ATXN7L3: variants seen among roughly 807,000 people sequenced by gnomAD.
The protein encoded by ATXN7L3 is ataxin 7 like 3, also known as ataxin-7-like protein 3.
Under a neutral mutation model 50.0 loss-of-function variants are expected in ATXN7L3, and 6 were observed. That is an observed-to-expected ratio of 0.12 (90% CI 0.07 to 0.24). ATXN7L3 has a LOEUF of 0.24. Among genes scored for constraint, ATXN7L3 ranks in the 10% least tolerant of loss-of-function variants. ATXN7L3 has a pLI of 1.00. For synonymous variants in ATXN7L3, 198 were observed against 165.8 expected (o/e 1.19, Z -1.49); for missense variants, 322 against 451.3 (o/e 0.71, Z 2.60).
At position 44,193,000 on chromosome 17, in the gene ATXN7L3, G is replaced by C. The variant is rs1055789019; in HGVS notation, c.*1263C>G. ...TGGGAGTGGTGGTGCCCGCATGGAG[G>C]GGGGACGGTACATCTCTTTAGGATG... is the stretch of plus-strand genomic sequence containing the variant. On this transcript the variant is annotated 3_prime_UTR_variant, in exon 13 of 13. Coordinates refer to ENST00000587097, the MANE Select transcript of ATXN7L3 (RefSeq NM_001382309.1). 3.3e-5 allele frequency: 5 copies of C among 152,290 alleles called. No homozygotes were observed. The highest frequency in any genetic ancestry group is 9.7e-5 in the African/African-American group (4 of 41,426). The allele number at this position is 152,290 out of a possible 1,614,324, so 9.4% of individuals were successfully genotyped here.
chr17:44,195,582 AGT>A, intron 8 of ATXN7L3, 95 bp from the exon 9 acceptor site: 2 of 1,394,424 alleles, frequency 1.4e-6, no homozygotes, highest in Non-Finnish European at 2.0e-6. Flanking sequence ...TCCCTTTCTA[AGT>A]GAGGCTTTAG....
intron 5 of ATXN7L3, 45 bp from the exon 6 acceptor site, chr17:44,196,463 T>C (rs751976934): frequency 6.2e-7 from 1 of 1,612,890 alleles, no homozygotes; most frequent in South Asian, 1.1e-5. Context: ...CGTTAAGTTC[T>C]CAATCTAAAA....
chr17:44,197,051 G>A (rs1290991151), intron 4 of ATXN7L3, 25 bp from the exon 5 acceptor site: 4 of 1,587,428 alleles, frequency 2.5e-6, no homozygotes, highest in South Asian at 2.2e-5. Flanking sequence ...GAAGAGAAAG[G>A]GGCCAAGGGG....
chr17:44,195,343 T>C, intron 9 of ATXN7L3, 76 bp downstream of exon 9: 4 of 1,494,704 alleles, frequency 2.7e-6, no homozygotes, highest in Non-Finnish European at 3.7e-6. Flanking sequence ...GTCACCAGCT[T>C]CCTCCCAGGC....
chr17:44,194,315 T>G lies in ATXN7L3; in HGVS notation c.992A>C (p.Lys331Thr), dbSNP rs1354790861. 5 of 1,613,942 alleles carry G rather than the reference T, an allele frequency of 3.1e-6. No homozygotes were observed. Among genetic ancestry groups the G allele is most frequent in the Admixed American group, 3.3e-5 (2 of 60,006 alleles). ...CGTCGGGGGTGCCGGTGGCTTTGGC[T>G]TCTTCTTCTTGTTGGAACCTAGGCC... ...ASGLGSNKKK[K>T]PKPPAPPTPS... is the part of the protein sequence containing the mutation. Residue 331 changes from lysine (K) to threonine (T), a missense_variant, in exon 13 of 13, where the codon AAG becomes ACG. By Grantham distance (78) the Lys-to-Thr change is moderately conservative (BLOSUM62 -1). Transcript: ENST00000587097.
chr17:44,194,889 C>T (rs1418983086), intron 10 of ATXN7L3, 50 bp from the exon 11 acceptor site: 62 of 1,599,238 alleles, frequency 3.9e-5, no homozygotes, highest in Non-Finnish European at 5.1e-5. Flanking sequence ...AGGTAAAGCC[C>T]CTCCCCTCGG....
In ATXN7L3 at chr17:44,194,093, G is replaced by C; in HGVS notation, c.*170C>G. 1 of 808,556 alleles carries C rather than the reference G, an allele frequency of 1.2e-6. No homozygotes were observed. The highest frequency in any genetic ancestry group is 2.0e-6 in the Non-Finnish European group (1 of 510,952). 50.1% of individuals were successfully genotyped at this position (808,556 alleles called of 1,614,324 possible). On this transcript the variant is annotated 3_prime_UTR_variant, in exon 13 of 13. Transcript: ENST00000587097. ...CGCCGAGGAGTCGTGCTCCATTGCA[G>C]AGGACTTTGACACCCCCCAGGGGCG...
chr17:44,196,924 A>G lies in ATXN7L3; in HGVS notation c.454+5T>C. 6.2e-7 allele frequency: 1 copy of G among 1,609,770 alleles called. No individual in the cohort carries two copies. ...CCCCCCGGGTTTCCCCAGATCCCCA[A>G]GCACCTTTCTTCTCCGAGCCATAGG... is the stretch of plus-strand genomic sequence containing the variant. On this transcript the variant is annotated splice_donor_5th_base_variant and intron_variant, in intron 5 of 12. Coordinates refer to ENST00000587097, the MANE Select transcript of ATXN7L3 (RefSeq NM_001382309.1).
chr17:44,195,105 C>T lies in ATXN7L3; in HGVS notation c.657G>A (p.Met219Ile). 1 of 1,614,162 alleles carries T rather than the reference C, an allele frequency of 6.2e-7. No individual in the cohort carries two copies. Among genetic ancestry groups the T allele is most frequent in the Non-Finnish European group, 8.5e-7 (1 of 1,180,002 alleles). ...CGVISEHTKK[M>I]CTRSLRCPQH... ...CTAGGTTCTGTGCTCACCTTGTGCA[C>T]ATCTTCTTGGTGTGTTCAGAAATCA... The change falls in exon 10 of 13, where the codon ATG becomes ATA. Residue 219 changes from methionine (M) to isoleucine (I), a missense_variant. Met to Ile is a conservative substitution (Grantham distance 10). Coordinates refer to ENST00000587097, the MANE Select transcript of ATXN7L3 (RefSeq NM_001382309.1).
chr17:44,199,398 A>G (rs1598198854), intron 1 of ATXN7L3, 98 bp downstream of exon 1: 1 of 141,458 alleles, frequency 7.1e-6, no homozygotes, highest in South Asian at 2.4e-4. Flanking sequence ...GCTGACCCAG[A>G]CCTGGGGGGA....
In ATXN7L3 at chr17:44,195,106, ATCT is replaced by A; in HGVS notation, c.653_655del (p.Lys218del). 1 of 1,614,148 alleles carries A rather than the reference ATCT, an allele frequency of 6.2e-7. No homozygotes were observed. The highest frequency in any genetic ancestry group is 8.5e-7 in the Non-Finnish European group (1 of 1,179,994). Reference sequence around the variant, plus strand: ...TAGGTTCTGTGCTCACCTTGTGCACATCTTCTTGGTGTGTTCAGAAATCACCCC... The same window carrying A: ...TAGGTTCTGTGCTCACCTTGTGCACATCTTGGTGTGTTCAGAAATCACCCC... On this transcript the variant is annotated inframe_deletion, in exon 10 of 13. Coordinates refer to ENST00000587097, the MANE Select transcript of ATXN7L3 (RefSeq NM_001382309.1).
chr17:44,197,588 T>G lies in ATXN7L3; in HGVS notation c.184+10A>C. The G allele has an allele frequency of 6.2e-7, 1 of 1,614,214 alleles. No individual in the cohort carries two copies. On this transcript the variant is annotated intron_variant, in intron 3 of 12. Coordinates refer to ENST00000587097, the MANE Select transcript of ATXN7L3 (RefSeq NM_001382309.1). ...GGGCTGGACTGCTGCTCCTTCACCC[T>G]GAAGCTCACCAAAATCCTTCATGCT...
intron 1 of ATXN7L3, 45 bp from the exon 2 acceptor site, chr17:44,198,175 T>C: frequency 1.8e-6 from 2 of 1,132,408 alleles, no homozygotes; most frequent in Non-Finnish European, 2.6e-6. Flanking sequence ...CCAAGGCACC[T>C]CTGAATGCGG....
intron 7 of ATXN7L3, 81 bp downstream of exon 7, chr17:44,195,953 C>T (rs1490500561): frequency 1.8e-5 from 28 of 1,566,114 alleles, no homozygotes; most frequent in Non-Finnish European, 2.3e-5. Flanking sequence ...TTCCCCTATC[C>T]CCGGGCCCCA....
chr17:44,198,976 C>A (rs1254790888), intron 1 of ATXN7L3: 2 of 152,666 alleles, frequency 1.3e-5, no homozygotes, highest in Non-Finnish European at 2.9e-5. Context: ...GGGGTGGGGA[C>A]TGACGAATGA....
rs2055713912 is a variant in ATXN7L3, at chr17:44,192,291, A to G, written c.*1972T>C. The G allele has an allele frequency of 6.6e-6, 1 of 152,264 alleles. No homozygotes were observed. The highest frequency in any genetic ancestry group is 6.5e-5 in the Admixed American group (1 of 15,286). 9.4% of individuals were successfully genotyped at this position (152,264 alleles called of 1,614,324 possible). Reference sequence around the variant, plus strand: ...AGCCCATCTCTTACCCAGCCTGGGCAGGGGGCTCTGCCCTGAGGGCGGGCC... The same window carrying G: ...AGCCCATCTCTTACCCAGCCTGGGCGGGGGGCTCTGCCCTGAGGGCGGGCC... On this transcript the variant is annotated 3_prime_UTR_variant, in exon 13 of 13. Transcript: ENST00000587097.
chr17:44,196,021 C>T lies in ATXN7L3; in HGVS notation c.523+13G>A, dbSNP rs1003545. ...ACAGCTAGAAGCATTCCCATTGCTC[C>T]GGCTCCACTTACCATTTTTGTGTTT... On this transcript the variant is annotated intron_variant, in intron 7 of 12. Coordinates refer to ENST00000587097, the MANE Select transcript of ATXN7L3 (RefSeq NM_001382309.1). 459 of 1,608,590 alleles carry T rather than the reference C, an allele frequency of 2.9e-4. 1 individual carries two copies. The African/African-American group carries it at 4.9e-3, about 17-fold the overall frequency.
In ATXN7L3 at chr17:44,194,417, G is replaced by C; in HGVS notation, c.896-6C>G. 6.2e-7 allele frequency: 1 copy of C among 1,614,032 alleles called. No homozygotes were observed. Among genetic ancestry groups the C allele is most frequent in the Non-Finnish European group, 8.5e-7 (1 of 1,179,998 alleles). On this transcript the variant is annotated splice_region_variant and splice_polypyrimidine_tract_variant and intron_variant, in intron 12 of 12. Coordinates refer to ENST00000587097, the MANE Select transcript of ATXN7L3 (RefSeq NM_001382309.1). ...TGACTCAGAGCTGTTGGTACCTGTA[G>C]AGAAAGAGACACAAGGGATGAGAGT...
At chr17:44,196,695 T>C (rs2055908279) in intron 5 of ATXN7L3, among the ~76,000 whole-genome samples, 1 of 145,934 alleles carries the variant, frequency 6.9e-6, no homozygotes, top group Non-Finnish European at 1.5e-5. Context: ...GGAGAATCGC[T>C]TGAACCCGGG....
Sources: gnomAD v4.1 joint callset for allele counts (sites outside exome capture counted in the v4.1 genomes callset) on GRCh38, gnomAD v4.1.1 for gene constraint, MANE v1.5 for transcripts, NCBI Gene and HGNC (gene_info 2026-07-23, HGNC 2026-07-21) for gene names.